Variants in IP6K3 observed in about 807,000 individuals in gnomAD.
IP6K3 encodes inositol hexakisphosphate kinase 3.
IP6K3 carries 20 observed loss-of-function variants against 28.8 expected under a neutral mutation model. That is an observed-to-expected ratio of 0.70 (90% confidence interval 0.49 to 1.01). The LOEUF is 1.01. Among genes scored for constraint, IP6K3 ranks in the 50% least tolerant of loss-of-function variants. The pLI is 0.00. For missense variants in IP6K3, 480 were observed against 537.1 expected, an observed-to-expected ratio of 0.89 and a Z score of 1.05; for synonymous variants, 213 against 221.3, an observed-to-expected ratio of 0.96 and a Z score of 0.33.
the IP6K3 span, among the ~76,000 whole-genome samples, chr6:33,759,102 T>C: frequency 6.6e-6 from 1 of 152,128 alleles, no homozygotes; most frequent in Non-Finnish European, 1.5e-5. Context: ...ATACAATCTT[T>C]GCTAAGTCAA....
At chr6:33,751,469 C>T (rs1485800304), upstream of IP6K3, among the ~76,000 whole-genome samples, 1 of 149,328 alleles carries the variant, frequency 6.7e-6, no homozygotes, top group Non-Finnish European at 1.5e-5. The surrounding 1 kb of genome is among the most constrained non-coding windows in gnomAD (Gnocchi z 4.3). Flanking sequence ...CAGGGACAGA[C>T]AACCTCTGCA....
chr6:33,724,758 G>C (rs549590150), intron 5 of IP6K3, among the ~76,000 whole-genome samples: 2 of 152,136 alleles, frequency 1.3e-5, no homozygotes, highest in Non-Finnish European at 2.9e-5. Flanking sequence ...AGGAAGCCAC[G>C]GGGTGCACCA....
At chr6:33,735,181 C>T in intron 2 of IP6K3, 97 bp downstream of exon 2, 1 of 1,046,408 alleles carries the variant, frequency 9.6e-7, no homozygotes, top group Non-Finnish European at 1.4e-6. Flanking sequence ...GCAACCCTTA[C>T]ACACACCCAC....
At chr6:33,723,906 T>C (rs1453264930) in intron 5 of IP6K3, among the ~76,000 whole-genome samples, 4 of 152,078 alleles carry the variant, frequency 2.6e-5, no homozygotes, top group African/African-American at 9.7e-5. Context: ...AGAGAGATAC[T>C]GATGGGGGAC....
At chr6:33,724,951 T>C (rs911600111) in intron 5 of IP6K3, among the ~76,000 whole-genome samples, 4 of 152,138 alleles carry the variant, frequency 2.6e-5, no homozygotes, top group African/African-American at 9.7e-5. Flanking sequence ...TTTGGAAAGA[T>C]CCAGTGTGGG....
chr6:33,750,938 G>A (rs1767013311), upstream of IP6K3, among the ~76,000 whole-genome samples: 2 of 152,114 alleles, frequency 1.3e-5, no homozygotes, highest in South Asian at 4.1e-4. The surrounding 1 kb of genome is among the most constrained non-coding windows in gnomAD (Gnocchi z 4.3). Flanking sequence ...TTCCCACAGT[G>A]TAAACATGGG....
chr6:33,747,749 C>T (rs1766953647), upstream of IP6K3, among the ~76,000 whole-genome samples: 1 of 152,056 alleles, frequency 6.6e-6, no homozygotes, highest in Non-Finnish European at 1.5e-5. The surrounding 1 kb of genome is among the most constrained non-coding windows in gnomAD (Gnocchi z 5.2). Flanking sequence ...GAGGTGGCCT[C>T]ACCAGCCTCT....
chr6:33,723,718 T>C (rs1453976830), intron 5 of IP6K3, among the ~76,000 whole-genome samples: 4 of 152,154 alleles, frequency 2.6e-5, no homozygotes, highest in Non-Finnish European at 5.9e-5. Flanking sequence ...TGTTTGAAGA[T>C]AAAAAGACAG....
chr6:33,749,435 A>G (rs1348369618), upstream of IP6K3, among the ~76,000 whole-genome samples: 2 of 151,800 alleles, frequency 1.3e-5, no homozygotes, highest in Admixed American at 6.6e-5. Flanking sequence ...AACTTCAGCC[A>G]ATTTCTCTCC....
At chr6:33,731,890 C>G (rs1269914508) in intron 2 of IP6K3, among the ~76,000 whole-genome samples, 1 of 152,078 alleles carries the variant, frequency 6.6e-6, no homozygotes, top group Non-Finnish European at 1.5e-5. Context: ...CAGAGTCTTC[C>G]TGCCTGCCCA....
intron 5 of IP6K3, among the ~76,000 whole-genome samples, chr6:33,724,633 G>A (rs1766028311): frequency 6.6e-6 from 1 of 152,178 alleles, no homozygotes; most frequent in Non-Finnish European, 1.5e-5. Context: ...GCAAAAAGGA[G>A]CAGAAAAGGT....
chr6:33,732,840 C>T (rs925749576), intron 2 of IP6K3, among the ~76,000 whole-genome samples: 1 of 152,252 alleles, frequency 6.6e-6, no homozygotes, highest in Non-Finnish European at 1.5e-5. Context: ...CACCCGAGAG[C>T]CCTTTCAGGG....
intron 5 of IP6K3, among the ~76,000 whole-genome samples, chr6:33,723,983 G>A (rs1354354624): frequency 1.3e-5 from 2 of 151,380 alleles, no homozygotes; most frequent in Non-Finnish European, 2.9e-5. Flanking sequence ...AAGGCCAGCA[G>A]TGGGCATGGC....
At chr6:33,753,560 A>G in the IP6K3 span, among the ~76,000 whole-genome samples, 1 of 152,188 alleles carries the variant, frequency 6.6e-6, no homozygotes, top group African/African-American at 2.4e-5. Flanking sequence ...CTGGAAGAGC[A>G]TGGCATTTCT....
intron 1 of IP6K3, among the ~76,000 whole-genome samples, chr6:33,745,461 C>T (rs920224758): frequency 3.9e-5 from 6 of 152,128 alleles, no homozygotes; most frequent in African/African-American, 1.4e-4. Flanking sequence ...CCTCAGCTTC[C>T]CTATCTGTAC....
the IP6K3 span, among the ~76,000 whole-genome samples, chr6:33,761,649 C>G: frequency 6.6e-6 from 1 of 152,060 alleles, no homozygotes; most frequent in Non-Finnish European, 1.5e-5. Flanking sequence ...ATCAGGCTCT[C>G]CCCTCCTCTC....
chr6:33,752,336 C>T, the IP6K3 span, among the ~76,000 whole-genome samples: 717 of 152,356 alleles, frequency 4.7e-3, 9 homozygotes, highest in African/African-American at 0.015. Context: ...GCTGCCTTCT[C>T]TAGGGTGGAG....
At chr6:33,735,728 G>A in intron 1 of IP6K3, 73 bp from the exon 2 acceptor site, 1 of 749,164 alleles carries the variant, frequency 1.3e-6, no homozygotes, top group South Asian at 1.9e-5. Context: ...GCTTGGAAGG[G>A]CCCACACAGC....
intron 1 of IP6K3, among the ~76,000 whole-genome samples, chr6:33,745,288 C>T (rs1766866414): frequency 6.6e-6 from 1 of 152,130 alleles, no homozygotes; most frequent in Non-Finnish European, 1.5e-5. Context: ...TGCCGCTGGC[C>T]AGGGGGTGGG....
Sources: allele counts gnomAD v4.1 joint callset (sites outside exome capture counted in the v4.1 genomes callset), GRCh38; gene constraint gnomAD v4.1.1; non-coding constraint Gnocchi (gnomAD v3.1); transcripts MANE v1.5; gene names NCBI Gene and HGNC (gene_info 2026-07-23, HGNC 2026-07-21).